The following NT5C2 variants were observed in gnomAD, a reference collection of about 807,000 sequenced individuals.
NT5C2 encodes cytosolic purine 5'-nucleotidase.
In NT5C2, 58 loss-of-function variants were observed where a neutral mutation model predicts 76.1. The observed-to-expected ratio is 0.76, with a 90% confidence interval of 0.62 to 0.95. The LOEUF (loss-of-function observed/expected upper bound fraction) is 0.95. Among genes scored for constraint, NT5C2 ranks in the 40% least tolerant of loss-of-function variants. NT5C2 has a pLI of 0.00. For missense variants in NT5C2, 478 were observed against 690.3 expected, an observed-to-expected ratio of 0.69 and a Z score of 3.45; for synonymous variants, 229 against 237.4, an observed-to-expected ratio of 0.96 and a Z score of 0.32.
At position 103,089,839 on chromosome 10, in the gene NT5C2, G is replaced by A. The variant is rs765678401; in HGVS notation, c.1519C>T (p.Arg507Trp). 8.7e-6 allele frequency: 14 copies of A among 1,613,926 alleles called. No homozygotes were observed. The highest frequency in any genetic ancestry group is 6.7e-5 in the African/African-American group (5 of 74,884). The change falls in exon 19 of 19, where the codon CGG (arginine) becomes TGG (tryptophan). Residue 507 changes from arginine (R) to tryptophan (W), a missense_variant. Arg to Trp is a moderately radical substitution (Grantham distance 101). Transcript: ENST00000404739. ...INEMESPLATRNRTSVDFKDT... is the reference protein window; with the variant it reads ...INEMESPLATWNRTSVDFKDT... The stretch of plus-strand genomic sequence containing the variant: ...TTGAAATCCACTGATGTGCGGTTCC[G>A]GGTGGCAAGAGGAGACTCCATCTCA...
At chr10:103,192,942 G>A (rs931468361) in intron 1 of NT5C2, among the ~76,000 whole-genome samples, 1 of 152,138 alleles carries the variant, frequency 6.6e-6, no homozygotes, top group Non-Finnish European at 1.5e-5. Context: ...CGGCGGCTGG[G>A]AAACAATGGC....
At chr10:103,185,374 A>G (rs2091880254) in intron 1 of NT5C2, among the ~76,000 whole-genome samples, 1 of 151,858 alleles carries the variant, frequency 6.6e-6, no homozygotes, top group Admixed American at 6.6e-5. Flanking sequence ...GGCAAGGTGC[A>G]GTGGCTCACA....
At chr10:103,094,827 A>T (rs1454312106) in intron 12 of NT5C2, among the ~76,000 whole-genome samples, 2 of 150,562 alleles carry the variant, frequency 1.3e-5, no homozygotes, top group Non-Finnish European at 2.9e-5. Context: ...GGTTGCAGTG[A>T]GCCGAGATCG....
chr10:103,124,058 G>T (rs1035737662), intron 4 of NT5C2, among the ~76,000 whole-genome samples: 7 of 152,064 alleles, frequency 4.6e-5, no homozygotes, highest in African/African-American at 1.7e-4. Context: ...AATTCTACAT[G>T]TATAATTTTT....
At chr10:103,090,820 A>T (rs758407698) in intron 17 of NT5C2, 33 bp from the exon 18 acceptor site, 1 of 1,609,722 alleles carries the variant, frequency 6.2e-7, no homozygotes, top group South Asian at 1.1e-5. Context: ...TTCTTGGCTC[A>T]TTCAACAAAT....
intron 4 of NT5C2, among the ~76,000 whole-genome samples, chr10:103,133,224 C>T (rs2078566756): frequency 6.6e-6 from 1 of 152,218 alleles, no homozygotes; most frequent in South Asian, 2.1e-4. Flanking sequence ...TCACCTTCCA[C>T]CATGATTGTG....
At chr10:103,101,152 C>T in intron 7 of NT5C2, 50 bp from the exon 8 acceptor site, 1 of 1,459,604 alleles carries the variant, frequency 6.9e-7, no homozygotes, top group African/African-American at 1.4e-5. Context: ...ATAATTCAAA[C>T]TTATTTCATT....
At chr10:103,116,308 TC>T (rs1476161138) in intron 4 of NT5C2, among the ~76,000 whole-genome samples, 10 of 152,186 alleles carry the variant, frequency 6.6e-5, no homozygotes, top group Non-Finnish European at 1.0e-4. Flanking sequence ...TCATCCATCT[TC>T]CCTAACTTAT....
chr10:103,111,285 A>G (rs1217365601), intron 4 of NT5C2, among the ~76,000 whole-genome samples: 1 of 152,218 alleles, frequency 6.6e-6, no homozygotes, highest in Non-Finnish European at 1.5e-5. Flanking sequence ...CAATATCGGA[A>G]GACAAAGGAA....
At chr10:103,132,021 A>C (rs1419613312) in intron 4 of NT5C2, among the ~76,000 whole-genome samples, 1 of 152,112 alleles carries the variant, frequency 6.6e-6, no homozygotes, top group African/African-American at 2.4e-5. Context: ...CGGGTGGATC[A>C]TCTGAAGTCA....
chr10:103,144,318 A>G (rs1389784615), intron 3 of NT5C2, among the ~76,000 whole-genome samples: 1 of 152,238 alleles, frequency 6.6e-6, no homozygotes, highest in Non-Finnish European at 1.5e-5. Flanking sequence ...GGAGAGAAGT[A>G]TGCGGAACGA....
chr10:103,189,994 TTTC>T (rs1202044305), intron 1 of NT5C2, among the ~76,000 whole-genome samples: 13 of 124,066 alleles, frequency 1.0e-4, no homozygotes, highest in East Asian at 2.2e-4. Context: ...ATTTTGTGGC[TTTC>T]TTTTTTTTTT....
intron 1 of NT5C2, among the ~76,000 whole-genome samples, chr10:103,183,544 T>C (rs2091586585): frequency 6.7e-6 from 1 of 148,974 alleles, no homozygotes; most frequent in African/African-American, 2.5e-5. Flanking sequence ...CGAAGTCTCT[T>C]TCGCTCTGTC....
intron 4 of NT5C2, chr10:103,125,321 T>C: frequency 3.9e-6 from 2 of 510,166 alleles, no homozygotes; most frequent in Admixed American, 2.6e-5. Context: ...AGACAATGAC[T>C]TTGGAGCACA....
chr10:103,173,808 T>C (rs1041483614), intron 3 of NT5C2, among the ~76,000 whole-genome samples: 7 of 150,488 alleles, frequency 4.7e-5, no homozygotes, highest in South Asian at 2.1e-4. Flanking sequence ...AAGAATTTCA[T>C]TCCTGGGCTG....
chr10:103,109,514 T>C (rs975641631), intron 4 of NT5C2, among the ~76,000 whole-genome samples: 1 of 152,218 alleles, frequency 6.6e-6, no homozygotes, highest in Non-Finnish European at 1.5e-5. Context: ...TATTTCAAAC[T>C]GTATTTAATG....
intron 3 of NT5C2, among the ~76,000 whole-genome samples, chr10:103,155,115 C>G (rs2083092678): frequency 1.3e-5 from 2 of 152,168 alleles, no homozygotes; most frequent in Non-Finnish European, 1.5e-5. Flanking sequence ...TACTGAATGT[C>G]TGTGTGCCAG....
chr10:103,122,400 ATCT>A (rs1323577689), intron 4 of NT5C2, among the ~76,000 whole-genome samples: 3 of 152,154 alleles, frequency 2.0e-5, no homozygotes, highest in African/African-American at 7.2e-5. Flanking sequence ...ATTAAGGATG[ATCT>A]TCTTTGTTTA....
chr10:103,090,571 T>C, intron 18 of NT5C2, 40 bp downstream of exon 18: 6 of 1,577,764 alleles, frequency 3.8e-6, no homozygotes, highest in Non-Finnish European at 5.2e-6. Flanking sequence ...GACCCTGGGC[T>C]TAGAGTACAT....
Sources: allele counts gnomAD v4.1 joint callset (sites outside exome capture counted in the v4.1 genomes callset), GRCh38; gene constraint gnomAD v4.1.1; transcripts MANE v1.5; gene names NCBI Gene and HGNC (gene_info 2026-07-23, HGNC 2026-07-21).